The following SUGCT variants were observed in gnomAD, a reference collection of about 807,000 sequenced individuals.
The protein encoded by SUGCT is succinyl-CoA:glutarate-CoA transferase.
SUGCT carries 41 observed loss-of-function variants against 55.0 expected under a neutral mutation model. The ratio of observed to expected loss-of-function variants is 0.74; its 90% CI spans 0.58 to 0.97. The LOEUF (loss-of-function observed/expected upper bound fraction) is 0.97. Among genes scored for constraint, SUGCT ranks in the 50% least tolerant of loss-of-function variants. The pLI, the probability that SUGCT is intolerant of heterozygous loss-of-function variation, is 0.00. For synonymous variants in SUGCT, 187 were observed against 200.4 expected, an observed-to-expected ratio of 0.93 and a Z score of 0.56; for missense variants, 568 against 547.8, an observed-to-expected ratio of 1.04 and a Z score of -0.37.
At position 40,457,908 on chromosome 7, in the gene SUGCT, A is replaced by G. The variant is rs140011797; in HGVS notation, c.889-1193A>G. Among the ~76,000 whole-genome samples the G allele has an allele frequency of 9.8e-4, 150 of 152,330 alleles. 2 individuals are homozygous for G. Among genetic ancestry groups the G allele is most frequent in the African/African-American group, 3.4e-3 (140 of 41,574 alleles). ...CGGAGGGAGGGTGTCTAACTGCTAG[A>G]CAGGGCTTGAGGCCAATTCTTGGAT... On this transcript the variant is annotated intron_variant, in intron 10 of 13. Coordinates refer to ENST00000335693, the MANE Select transcript of SUGCT (RefSeq NM_001193313.2).
chr7:40,963,057 A>G, the SUGCT span, among the ~76,000 whole-genome samples: 1 of 152,306 alleles, frequency 6.6e-6, no homozygotes. Context: ...ACAAAGAAAC[A>G]TTATTATGTT....
intron 1 of SUGCT, among the ~76,000 whole-genome samples, chr7:40,171,467 C>T (rs1336504322): frequency 6.6e-6 from 1 of 152,166 alleles, no homozygotes; most frequent in Non-Finnish European, 1.5e-5. Flanking sequence ...TCTGGTTGGA[C>T]CTTTGTATGG....
At chr7:40,522,536 G>A (rs1407127394) in intron 12 of SUGCT, among the ~76,000 whole-genome samples, 1 of 151,952 alleles carries the variant, frequency 6.6e-6, no homozygotes, top group Non-Finnish European at 1.5e-5. Context: ...AAAGAGAAAC[G>A]ATGTGTTTTC....
the SUGCT span, among the ~76,000 whole-genome samples, chr7:40,999,861 A>G: frequency 6.6e-6 from 1 of 152,160 alleles, no homozygotes; most frequent in Non-Finnish European, 1.5e-5. Context: ...TTCAAGCTGA[A>G]TTTATTATTA....
chr7:40,587,941 C>T (rs1474898872), intron 12 of SUGCT, among the ~76,000 whole-genome samples: 2 of 149,948 alleles, frequency 1.3e-5, no homozygotes, highest in Non-Finnish European at 3.0e-5. Flanking sequence ...CTCACTCTGC[C>T]GCCTAAACTG....
At chr7:40,298,273 G>T (rs1243521845) in intron 8 of SUGCT, among the ~76,000 whole-genome samples, 1 of 152,028 alleles carries the variant, frequency 6.6e-6, no homozygotes, top group African/African-American at 2.4e-5. Flanking sequence ...GAGGAAGGAA[G>T]ACAGATTTTT....
At chr7:40,886,542 A>G in the SUGCT span, among the ~76,000 whole-genome samples, 6 of 152,228 alleles carry the variant, frequency 3.9e-5, no homozygotes, top group Non-Finnish European at 7.3e-5. Context: ...TCATCAAGCA[A>G]TGAATTGTGT....
intron 12 of SUGCT, among the ~76,000 whole-genome samples, chr7:40,644,091 G>T (rs1800387167): frequency 6.6e-6 from 1 of 152,184 alleles, no homozygotes; most frequent in Non-Finnish European, 1.5e-5. Context: ...TAGTAATAAA[G>T]ATGATAGATT....
intron 9 of SUGCT, among the ~76,000 whole-genome samples, chr7:40,366,055 C>A (rs1380787905): frequency 6.6e-6 from 1 of 152,114 alleles, no homozygotes; most frequent in East Asian, 1.9e-4. Flanking sequence ...GGTACTGGTA[C>A]CAAAACAGAG....
chr7:40,377,231 TTCCCTTCCTTCCTTCC>T lies in SUGCT; in HGVS notation c.816+60378_816+60393del, dbSNP rs1562729093. Among the ~76,000 whole-genome samples the T allele has an allele frequency of 5.3e-3, 103 of 19,578 alleles. 36 individuals carry two copies. Among genetic ancestry groups the T allele is most frequent in the Admixed American group, 0.011 (12 of 1,130 alleles). 12.8% of individuals were successfully genotyped at this position (19,578 alleles called of 152,430 possible). A position where few individuals can be genotyped will look rare whatever the true frequency, so the allele number is the denominator to read the frequency against. On this transcript the variant is annotated intron_variant, in intron 9 of 13. Coordinates refer to ENST00000335693, the MANE Select transcript of SUGCT (RefSeq NM_001193313.2). The stretch of plus-strand genomic sequence containing the variant: ...TTCTTTTCTTTCTTTTCTTTCTTTC[TTCCCTTCCTTCCTTCC>T]TTCTTTCTTTTTTGAGACCTAGTCT...
the SUGCT span, among the ~76,000 whole-genome samples, chr7:41,008,707 G>A: frequency 6.6e-6 from 1 of 151,882 alleles, no homozygotes; most frequent in Non-Finnish European, 1.5e-5. Context: ...TGTATTGCAA[G>A]TCCCCCCAGT....
chr7:40,931,604 G>A, the SUGCT span, among the ~76,000 whole-genome samples: 220 of 152,278 alleles, frequency 1.4e-3, 1 homozygote, highest in African/African-American at 4.7e-3. Context: ...TTCACAGCCT[G>A]TTATTGGTCT....
At chr7:40,904,006 T>G in the SUGCT span, among the ~76,000 whole-genome samples, 5 of 152,158 alleles carry the variant, frequency 3.3e-5, no homozygotes, top group Non-Finnish European at 7.4e-5. Flanking sequence ...TGGCGCAGCT[T>G]ACATCACGCA....
intron 12 of SUGCT, among the ~76,000 whole-genome samples, chr7:40,595,004 A>G (rs531132475): frequency 2.6e-5 from 4 of 152,324 alleles, no homozygotes; most frequent in African/African-American, 9.6e-5. Flanking sequence ...ACTTTAGGGT[A>G]GCCATTGGCC....
At chr7:40,927,914 A>G in the SUGCT span, among the ~76,000 whole-genome samples, 19 of 152,186 alleles carry the variant, frequency 1.2e-4, no homozygotes, top group Admixed American at 4.6e-4. Flanking sequence ...GAGTTTAGGT[A>G]TAAAATTCTA....
intron 7 of SUGCT, among the ~76,000 whole-genome samples, chr7:40,264,630 G>A (rs919947815): frequency 1.3e-5 from 2 of 152,038 alleles, no homozygotes; most frequent in African/African-American, 2.4e-5. Context: ...TGCTAGTTAG[G>A]GCTACAAGTC....
intron 9 of SUGCT, among the ~76,000 whole-genome samples, chr7:40,359,427 A>T (rs1327852959): frequency 6.6e-6 from 1 of 151,990 alleles, no homozygotes; most frequent in African/African-American, 2.4e-5. Context: ...CTGGTCTCAA[A>T]CTCCTGACCT....
At position 40,247,388 on chromosome 7, in the gene SUGCT, TGGGATCACA is replaced by T. The variant is rs371637289; in HGVS notation, c.576+9665_576+9673del. Among the ~76,000 whole-genome samples, 139 of 152,266 alleles carry T rather than the reference TGGGATCACA, an allele frequency of 9.1e-4. 1 individual carries two copies. The highest frequency in any genetic ancestry group is 3.1e-3 in the African/African-American group (130 of 41,552). Reference sequence around the variant, plus strand: ...CTCCTGCCTTAGCCTCCTGAGTAGCTGGGATCACAGGCACCCACCACCATGACCGGCTAA... The same window carrying T: ...CTCCTGCCTTAGCCTCCTGAGTAGCTGGCACCCACCACCATGACCGGCTAA... On this transcript the variant is annotated intron_variant, in intron 7 of 13. Coordinates refer to ENST00000335693, the MANE Select transcript of SUGCT (RefSeq NM_001193313.2).
rs1243091846 is a variant in SUGCT at position 40,847,407 on chromosome 7, CTTTCTTTTTT to C, written c.1154-12905_1154-12896del. ...GATGACATATACATTTCTTTTCTTTCTTTCTTTTTTTTTTTTTTTTTTTTTTTGAGATGGA... is the reference window on the plus strand; with the variant it reads ...GATGACATATACATTTCTTTTCTTTCTTTTTTTTTTTTTTTTTGAGATGGA... On this transcript the variant is annotated intron_variant, in intron 13 of 13. Transcript: ENST00000335693. 6.7e-3 allele frequency among the ~76,000 whole-genome samples: 788 copies of C among 117,830 alleles called. 4 individuals are homozygous for C. The highest frequency in any genetic ancestry group is 0.022 in the African/African-American group (748 of 34,578). The allele number at this position is 117,830 out of a possible 152,430, so 77.3% of individuals were successfully genotyped here.
Sources: allele counts gnomAD v4.1 joint callset (sites outside exome capture counted in the v4.1 genomes callset), GRCh38; gene constraint gnomAD v4.1.1; transcripts MANE v1.5; gene names NCBI Gene and HGNC (gene_info 2026-07-23, HGNC 2026-07-21).